Variants in XYLT1 observed in about 807,000 individuals in gnomAD.
XYLT1 encodes the protein xylosyltransferase 1, also known as beta-D-xylosyltransferase 1.
In XYLT1, 36 loss-of-function variants were observed where a neutral mutation model predicts 91.3. That is an observed-to-expected ratio of 0.39 (90% CI 0.30 to 0.52). XYLT1 has a LOEUF of 0.52. Ranked by LOEUF, XYLT1 falls within the 20% of genes least tolerant of loss-of-function variation. The probability of loss-of-function intolerance (pLI) is 0.68; values close to 1 mark genes in which losing one functional copy is unlikely to be tolerated. For missense variants in XYLT1, 1,242 were observed against 1,284.5 expected (o/e 0.97, Z 0.51); for synonymous variants, 588 against 532.0 (o/e 1.11, Z -1.45).
intron 2 of XYLT1, among the ~76,000 whole-genome samples, chr16:17,274,528 G>C (rs960663193): frequency 6.6e-6 from 1 of 152,172 alleles, no homozygotes; most frequent in Non-Finnish European, 1.5e-5. Flanking sequence ...TCTGAGAAAA[G>C]AGAGGAAAGT....
At chr16:17,439,010 T>G (rs768132233) in intron 1 of XYLT1, among the ~76,000 whole-genome samples, 13 of 152,152 alleles carry the variant, frequency 8.5e-5, no homozygotes, top group Admixed American at 6.5e-5. Flanking sequence ...CATTTATAAA[T>G]TAGATCTGAT....
chr16:17,332,945 T>A (rs2141839935), intron 2 of XYLT1, among the ~76,000 whole-genome samples: 1 of 152,042 alleles, frequency 6.6e-6, no homozygotes, highest in Admixed American at 6.5e-5. Context: ...AAGGGCAGAG[T>A]GTTTGCAAAC....
chr16:17,195,730 C>G (rs1567317713), intron 5 of XYLT1, among the ~76,000 whole-genome samples: 2 of 152,116 alleles, frequency 1.3e-5, no homozygotes, highest in Non-Finnish European at 2.9e-5. Context: ...AGGTGTGAGC[C>G]ACTGCACCCG....
At chr16:17,127,616 C>A in intron 10 of XYLT1, 50 bp downstream of exon 10, 1 of 1,572,906 alleles carries the variant, frequency 6.4e-7, no homozygotes, top group South Asian at 1.2e-5. Flanking sequence ...TAGAATCTGG[C>A]CGAGGGAAAT....
intron 2 of XYLT1, among the ~76,000 whole-genome samples, chr16:17,350,060 G>A (rs976732067): frequency 6.6e-6 from 1 of 152,030 alleles, no homozygotes; most frequent in Non-Finnish European, 1.5e-5. Context: ...ATTTTTAGTA[G>A]AGACGGGGTT....
chr16:17,427,089 G>A (rs1042064601), intron 1 of XYLT1, among the ~76,000 whole-genome samples: 10 of 152,232 alleles, frequency 6.6e-5, no homozygotes, highest in Non-Finnish European at 4.4e-5. Flanking sequence ...CTCACAAGCT[G>A]TGGAAAGGGC....
At chr16:17,349,836 A>G (rs1567386950) in intron 2 of XYLT1, among the ~76,000 whole-genome samples, 1 of 152,102 alleles carries the variant, frequency 6.6e-6, no homozygotes, top group African/African-American at 2.4e-5. Context: ...TCCCATCTCA[A>G]TGAAACATCT....
intron 2 of XYLT1, among the ~76,000 whole-genome samples, chr16:17,284,494 G>A (rs536351674): frequency 1.2e-3 from 176 of 152,328 alleles, no homozygotes; most frequent in African/African-American, 4.0e-3. Context: ...GAGAGGCAGC[G>A]GATGGCATTT....
intron 1 of XYLT1, among the ~76,000 whole-genome samples, chr16:17,451,092 G>C (rs1317541783): frequency 6.6e-6 from 1 of 152,192 alleles, no homozygotes; most frequent in Non-Finnish European, 1.5e-5. Flanking sequence ...TGTCTTCAAA[G>C]AACGTGATCA....
At position 17,456,892 on chromosome 16, in the gene XYLT1, A is replaced by T. The variant is rs1232482043; in HGVS notation, c.363+13542T>A. Among the ~76,000 whole-genome samples, 3 of 152,248 alleles carry T rather than the reference A, an allele frequency of 2.0e-5. No homozygotes were observed. The East Asian group carries it at 5.8e-4, about 29-fold the overall frequency. On this transcript the variant is annotated intron_variant, in intron 1 of 11. Coordinates refer to ENST00000261381, the MANE Select transcript of XYLT1 (RefSeq NM_022166.4). ...GATATAATGATTAAAATGATAATCT[A>T]GGAGACGCTGCTCAGTACAGCACAG...
intron 7 of XYLT1, among the ~76,000 whole-genome samples, chr16:17,139,551 G>A (rs960925904): frequency 2.0e-5 from 3 of 152,150 alleles, no homozygotes; most frequent in African/African-American, 4.8e-5. Flanking sequence ...GTGGGTAAAT[G>A]AGGCTCCAGC....
At chr16:17,424,326 T>A (rs947245479) in intron 1 of XYLT1, among the ~76,000 whole-genome samples, 1 of 152,198 alleles carries the variant, frequency 6.6e-6, no homozygotes, top group Non-Finnish European at 1.5e-5. Context: ...TAAGGCCAAG[T>A]AGGCTACAAA....
chr16:17,288,783 C>A (rs2034177750), intron 2 of XYLT1, among the ~76,000 whole-genome samples: 1 of 152,154 alleles, frequency 6.6e-6, no homozygotes, highest in South Asian at 2.1e-4. Context: ...GGCAGCCAAT[C>A]TCCAGACATG....
chr16:17,124,439 A>G (rs1436690883), intron 10 of XYLT1, among the ~76,000 whole-genome samples: 1 of 152,224 alleles, frequency 6.6e-6, no homozygotes, highest in Non-Finnish European at 1.5e-5. Context: ...GGCTAAAGAC[A>G]GGACCCTTCT....
chr16:17,125,592 C>T (rs2030233169), intron 10 of XYLT1, among the ~76,000 whole-genome samples: 1 of 152,154 alleles, frequency 6.6e-6, no homozygotes, highest in South Asian at 2.1e-4. Flanking sequence ...GGCTCTTTTA[C>T]AGGCTTTAGC....
At chr16:17,117,463 T>C (rs970351793) in intron 11 of XYLT1, among the ~76,000 whole-genome samples, 183 bp downstream of exon 11, 4 of 152,198 alleles carry the variant, frequency 2.6e-5, no homozygotes, top group Admixed American at 1.3e-4. Context: ...CATCTCCGTG[T>C]GCAGGTAGGA....
At chr16:17,411,906 G>A (rs1381083680) in intron 1 of XYLT1, among the ~76,000 whole-genome samples, 1 of 152,100 alleles carries the variant, frequency 6.6e-6, no homozygotes, top group Non-Finnish European at 1.5e-5. Flanking sequence ...TTCTACTGCT[G>A]ACTCACAATC....
At chr16:17,174,915 C>T (rs1369073372) in intron 5 of XYLT1, among the ~76,000 whole-genome samples, 2 of 152,118 alleles carry the variant, frequency 1.3e-5, no homozygotes, top group African/African-American at 4.8e-5. Context: ...GGATTACAGA[C>T]ATGCACCACC....
At chr16:17,195,741 G>A (rs1268182457) in intron 5 of XYLT1, among the ~76,000 whole-genome samples, 7 of 152,004 alleles carry the variant, frequency 4.6e-5, no homozygotes, top group Non-Finnish European at 1.0e-4. Flanking sequence ...ACTGCACCCG[G>A]CCCACATCTT....
Sources: allele counts gnomAD v4.1 joint callset (sites outside exome capture counted in the v4.1 genomes callset), GRCh38; gene constraint gnomAD v4.1.1; transcripts MANE v1.5; gene names NCBI Gene and HGNC (gene_info 2026-07-23, HGNC 2026-07-21).